Variants in SLC19A1 observed in about 807,000 individuals in gnomAD.
SLC19A1 encodes the protein solute carrier family 19 member 1.
SLC19A1 carries 37 observed loss-of-function variants against 35.3 expected under a neutral mutation model. That is an observed-to-expected ratio of 1.05 (90% CI 0.81 to 1.38). The LOEUF (loss-of-function observed/expected upper bound fraction) is 1.38, where lower values mean the gene tolerates loss of function less well. Ranked by LOEUF, SLC19A1 falls within the 40% of genes most tolerant of loss-of-function variation. The pLI is 0.00. For missense variants in SLC19A1, 831 were observed against 826.9 expected, an observed-to-expected ratio of 1.00 and a Z score of -0.06; for synonymous variants, 460 against 398.5, an observed-to-expected ratio of 1.15 and a Z score of -1.84.
At chr21:45,554,626 GGGCAGC>G (rs1569031348) in intron 1 of SLC19A1, among the ~76,000 whole-genome samples, 2 of 145,666 alleles carry the variant, frequency 1.4e-5, no homozygotes, top group Middle Eastern at 3.5e-3. Flanking sequence ...TCCCTGCACG[GGGCAGC>G]GGCGTGGAAA....
intron 3 of SLC19A1, chr21:45,505,318 C>G: frequency 6.3e-7 from 1 of 1,592,242 alleles, no homozygotes; most frequent in Non-Finnish European, 8.6e-7. Context: ...GAGGCCGCCT[C>G]GTGTGGCTTC....
At position 45,537,802 on chromosome 21, in the gene SLC19A1, A is replaced by G; in HGVS notation, c.158T>C (p.Leu53Pro). 1 of 1,430,090 alleles carries G rather than the reference A, an allele frequency of 7.0e-7. No individual in the cohort carries two copies. Among genetic ancestry groups the G allele is most frequent in the Non-Finnish European group, 9.3e-7 (1 of 1,078,578 alleles). 88.6% of individuals were successfully genotyped at this position (1,430,090 alleles called of 1,614,324 possible). The change falls in exon 2 of 6, where the codon CTG becomes CCG. Residue 53 changes from leucine to proline, a missense_variant. Leu to Pro is a moderately conservative substitution (Grantham distance 98). Transcript: ENST00000311124. ...CCGCGTGAAGTTCTTGTCGGGCCCC[A>G]GGAGGTAGGGGGTGATGAAGCTCTC... is the stretch of plus-strand genomic sequence containing the variant. ...PGESFITPYL[L>P]GPDKNFTREQ...
chr21:45,515,740 T>C lies in SLC19A1; in HGVS notation c.1694A>G (p.Gln565Arg). 2.5e-6 allele frequency: 4 copies of C among 1,613,816 alleles called. No homozygotes were observed. The highest frequency in any genetic ancestry group is 3.4e-6 in the Non-Finnish European group (4 of 1,180,016). Residue 565 changes from glutamine to arginine, a missense_variant, in exon 6 of 6, where the codon CAG becomes CGG. Transcript: ENST00000311124. ...GACACCAGGAGGATGGACAGCCAGC[T>C]GGGGACAAGTCTCATCTGCAGCCTC... Reference protein sequence around the residue: ...GPEAADETCPQLAVHPPGVSK... With the variant: ...GPEAADETCPRLAVHPPGVSK...
At position 45,554,569 on chromosome 21, in the gene SLC19A1, G is replaced by A. The variant is rs187942625; in HGVS notation, c.-50+8173C>T. On this transcript the variant is annotated intron_variant, in intron 1 of 5. Coordinates refer to the SLC19A1 transcript ENST00000650808. ...CTCTGAGTGGAACCACGCACAGGGG[G>A]CGTCCTCTTGTGCCTGGCCAGGGGC... Among the ~76,000 whole-genome samples the A allele has an allele frequency of 2.3e-3, 306 of 132,216 alleles. 3 individuals carry two copies. The highest frequency in any genetic ancestry group is 8.2e-3 in the African/African-American group (278 of 33,804). The allele number at this position is 132,216 out of a possible 152,430, so 86.7% of individuals were successfully genotyped here.
At chr21:45,547,191 A>G (rs1424609619), upstream of SLC19A1, among the ~76,000 whole-genome samples, 1 of 152,260 alleles carries the variant, frequency 6.6e-6, no homozygotes, top group Non-Finnish European at 1.5e-5. Flanking sequence ...TAAGTTCTCT[A>G]TACCGAAAGC....
chr21:45,505,747 G>A (rs1456026495), intron 3 of SLC19A1: 100 of 1,088,942 alleles, frequency 9.2e-5, no homozygotes, highest in Non-Finnish European at 1.3e-4. Flanking sequence ...TGCGGCCCCT[G>A]CCCAGCACCC....
At chr21:45,505,804 C>G (rs1364215156) in intron 3 of SLC19A1, 5 of 1,561,674 alleles carry the variant, frequency 3.2e-6, no homozygotes, top group Non-Finnish European at 4.3e-6. Flanking sequence ...GCCCTCCCCG[C>G]CAAGCCCCAC....
At chr21:45,505,392 GC>G in intron 3 of SLC19A1, 1 of 1,576,622 alleles carries the variant, frequency 6.3e-7, no homozygotes, top group Non-Finnish European at 8.7e-7. Flanking sequence ...GCCCCCCTGG[GC>G]CCCCTGGGCC....
At chr21:45,537,719 T>TGGGGGGGGCCCCCCCCCCC in intron 2 of SLC19A1, 52 bp downstream of exon 2, 3 of 319,776 alleles carry the variant, frequency 9.4e-6, no homozygotes, top group Non-Finnish European at 1.7e-5. Flanking sequence ...CAGACGCTGC[T>TGGGGGGGGCCCCCCCCCCC]CCCCGCCCAC....
Position 45,505,244 on chromosome 21 carries a change from A to C in SLC19A1, c.498-6632T>G, listed in dbSNP as rs575364982. 1,297 of 1,565,278 alleles carry C rather than the reference A, an allele frequency of 8.3e-4. 12 individuals are homozygous for C. The African/African-American group carries it at 0.014, about 17-fold the overall frequency. ...GCCCTCCCGGCCCCCCAGGCCCCCCAGGGCCCCCTTCATTTCCTGGCCCTC... is the reference window on the plus strand; with the variant it reads ...GCCCTCCCGGCCCCCCAGGCCCCCCCGGGCCCCCTTCATTTCCTGGCCCTC... On this transcript the variant is annotated intron_variant, in intron 3 of 4. Transcript: ENST00000417954.
rs1423707216 is a variant in SLC19A1, at chr21:45,531,747, C to T, written c.591G>A (p.Val197=). The T allele has an allele frequency of 1.2e-6, 2 of 1,612,280 alleles. No homozygotes were observed. The highest frequency in any genetic ancestry group is 2.2e-5 in the East Asian group (1 of 44,800). ...GGCGCTTCAGGAAGAGGGCGAGGAC[C>T]ACGCTGAAGGTGAGGAAGGCCAGCG... ...YISLAFLTFS[V]VLALFLKRPK... Residue 197 remains valine (V), a synonymous_variant, in exon 3 of 6, where the codon GTG becomes GTA. Coordinates refer to ENST00000311124, the MANE Select transcript of SLC19A1 (RefSeq NM_194255.4).
rs74971953 is a variant in SLC19A1, at chr21:45,526,360, G to C, written c.1152-402C>G. Among the ~76,000 whole-genome samples the C allele has an allele frequency of 1.0e-3, 159 of 152,356 alleles. 1 individual carries two copies. Among genetic ancestry groups the C allele is most frequent in the African/African-American group, 3.6e-3 (148 of 41,582 alleles). On this transcript the variant is annotated intron_variant, in intron 4 of 5. Transcript: ENST00000311124. The stretch of plus-strand genomic sequence containing the variant: ...TGCACTGTACACACACAGCCAGAAG[G>C]TGATTTTATATAATACCTGACAAAC...
intron 4 of SLC19A1, among the ~76,000 whole-genome samples, chr21:45,529,053 G>C (rs1296480562): frequency 1.3e-5 from 2 of 152,258 alleles, no homozygotes; most frequent in East Asian, 1.9e-4. Context: ...CAGGTCAGTG[G>C]GGGGGCCCAA....
rs2077942087 is a variant in SLC19A1, at chr21:45,532,034, T to C, written c.304A>G (p.Ser102Gly). The change falls in exon 3 of 6, where the codon AGC becomes GGC. Residue 102 changes from serine to glycine, a missense_variant. Ser to Gly is a moderately conservative substitution (Grantham distance 56, BLOSUM62 0). Coordinates refer to ENST00000311124, the MANE Select transcript of SLC19A1 (RefSeq NM_194255.4). The stretch of plus-strand genomic sequence containing the variant: ...AGCAGCAGCCACACCGACACGAAGC[T>C]GAGCCCCTGCAGCAGCAGCACCGGC... ...YTPVLLLQGL[S>G]FVSVWLLLLL... 6 of 1,612,004 alleles carry C rather than the reference T, an allele frequency of 3.7e-6. No individual in the cohort carries two copies. Among genetic ancestry groups the C allele is most frequent in the African/African-American group, 1.3e-5 (1 of 74,916 alleles).
chr21:45,552,952 A>G (rs745789860), intron 1 of SLC19A1, among the ~76,000 whole-genome samples: 15 of 152,328 alleles, frequency 9.8e-5, no homozygotes, highest in South Asian at 4.1e-4. Context: ...TGCCAGCCCC[A>G]GCTCTCCGTG....
intron 1 of SLC19A1, among the ~76,000 whole-genome samples, chr21:45,554,910 CCTT>C: frequency 6.6e-6 from 1 of 151,954 alleles, no homozygotes; most frequent in Non-Finnish European, 1.5e-5. Context: ...AGGCCCCTCG[CCTT>C]CTCCCCAGAA....
chr21:45,551,404 T>C (rs534227657), intron 1 of SLC19A1, among the ~76,000 whole-genome samples: 1 of 152,244 alleles, frequency 6.6e-6, no homozygotes. Context: ...TGAATAAAAC[T>C]AGGAATAATA....
Position 45,512,616 on chromosome 21 carries a change from C to CCCAACTCTCCCCTGACCT in SLC19A1, c.*3024_*3041dup. On this transcript the variant is annotated 3_prime_UTR_variant, in exon 6 of 6. Coordinates refer to ENST00000311124, the MANE Select transcript of SLC19A1 (RefSeq NM_194255.4). ...AAGCCTGATGCTGACATTCACCTGC[C>CCCAACTCTCCCCTGACCT]CCAACTCTCCCCTGACCTGTGAGCC... 1.7e-6 allele frequency: 1 copy of CCCAACTCTCCCCTGACCT among 600,030 alleles called. No homozygotes were observed. Among genetic ancestry groups the CCCAACTCTCCCCTGACCT allele is most frequent in the East Asian group, 2.8e-5 (1 of 35,102 alleles). 37.2% of individuals were successfully genotyped at this position (600,030 alleles called of 1,614,324 possible). A position where few individuals can be genotyped will look rare whatever the true frequency, so the allele number is the denominator to read the frequency against.
chr21:45,527,586 A>C (rs4818788), intron 4 of SLC19A1, among the ~76,000 whole-genome samples: 1,178 of 38,614 alleles, frequency 0.031, 5 homozygotes, highest in Admixed American at 0.044. Context: ...GAGTGGCAGC[A>C]GGGCAGGGTG....
Sources: gnomAD v4.1 joint callset for allele counts (sites outside exome capture counted in the v4.1 genomes callset) on GRCh38, gnomAD v4.1.1 for gene constraint, MANE v1.5 for transcripts, NCBI Gene and HGNC (gene_info 2026-07-23, HGNC 2026-07-21) for gene names.